MYH11: variants seen among roughly 807,000 people sequenced by gnomAD.
MYH11 encodes the protein myosin heavy chain 11, also known as myosin-11.
In MYH11, 80 loss-of-function variants were observed where a neutral mutation model predicts 246.6. That is an observed-to-expected ratio of 0.32 (90% confidence interval 0.27 to 0.39). The LOEUF is 0.39. MYH11 is among the 10% of genes least tolerant of loss of function. MYH11 has a pLI of 1.00. For missense variants in MYH11, 2,158 were observed against 2,546.8 expected (o/e 0.85, Z 3.29); for synonymous variants, 1,071 against 1,015.5 (o/e 1.05, Z -1.04).
At position 15,715,267 on chromosome 16, in the gene MYH11, TTC is replaced by T; in HGVS notation, c.5508_5509del (p.Lys1837ThrfsTer72). Reference sequence around the variant, plus strand: ...CTTCAGCGACTTGGTGGCCGCCTGTTTCTCTCTGCAAACAGCAAGGAAAACAG... The same window carrying T: ...CTTCAGCGACTTGGTGGCCGCCTGTTTCTCTGCAAACAGCAAGGAAAACAG... On this transcript the variant is annotated frameshift_variant, in exon 39 of 41. Transcript: ENST00000300036. LOFTEE classifies it high-confidence loss of function. 6.2e-7 allele frequency: 1 copy of T among 1,614,138 alleles called. No individual in the cohort carries two copies. Among genetic ancestry groups the T allele is most frequent in the Non-Finnish European group, 8.5e-7 (1 of 1,180,040 alleles).
intron 6 of MYH11, chr16:15,779,088 T>C (rs1019720467): frequency 1.6e-6 from 1 of 618,340 alleles, no homozygotes; most frequent in African/African-American, 1.8e-5. Context: ...CATTCGGCTT[T>C]TGCAATGACC....
At chr16:15,766,620 CCT>C (rs1432415198) in intron 9 of MYH11, among the ~76,000 whole-genome samples, 29 of 152,146 alleles carry the variant, frequency 1.9e-4, no homozygotes, top group African/African-American at 6.5e-4. Flanking sequence ...GATCCATGTG[CCT>C]TGGCCTCCCA....
chr16:15,826,812 T>C (rs962372751), intron 2 of MYH11, among the ~76,000 whole-genome samples: 10 of 151,488 alleles, frequency 6.6e-5, no homozygotes, highest in Admixed American at 1.3e-4. Flanking sequence ...GGCAACACAG[T>C]GAGACCCTGT....
In MYH11 at chr16:15,760,669, A is replaced by G. The variant is rs2041847943; in HGVS notation, c.1130-11T>C. 3.9e-6 allele frequency: 6 copies of G among 1,548,694 alleles called. No homozygotes were observed. In the South Asian group the frequency reaches 6.7e-5, roughly 17 times the overall value. On this transcript the variant is annotated splice_polypyrimidine_tract_variant and intron_variant, in intron 10 of 40. Coordinates refer to ENST00000300036, the MANE Select transcript of MYH11 (RefSeq NM_002474.3). The stretch of plus-strand genomic sequence containing the variant: ...AAACTTTCTGAGCAGCTGGATGGAG[A>G]AAAGAAACATCGTGAGTGCATCACA...
chr16:15,817,608 T>C (rs1388274535), intron 3 of MYH11, among the ~76,000 whole-genome samples: 3 of 152,188 alleles, frequency 2.0e-5, no homozygotes, highest in South Asian at 2.1e-4. Context: ...TCTCTTCCCA[T>C]ACCCTCAAGG....
chr16:15,729,240 C>G (rs1249806914), intron 27 of MYH11, among the ~76,000 whole-genome samples: 2 of 152,032 alleles, frequency 1.3e-5, no homozygotes, highest in African/African-American at 4.8e-5. Flanking sequence ...GCCTGGGGAG[C>G]CCAGGTAGGA....
Position 15,720,204 on chromosome 16 carries a change from C to T in MYH11, c.4900G>A (p.Asp1634Asn), listed in dbSNP as rs549820613. 52 of 1,614,118 alleles carry T rather than the reference C, an allele frequency of 3.2e-5. No homozygotes were observed. The highest frequency in any genetic ancestry group is 1.6e-4 in the East Asian group (7 of 44,874). Residue 1634 changes from aspartate (D) to asparagine (N), a missense_variant, in exon 34 of 41, where the codon GAC becomes AAC. Around this residue, in one of 11 missense-constraint regions of MYH11, gnomAD observed 1,013 missense variants for 993.5 expected, o/e 1.02. Transcript: ENST00000300036. ...TCCTCCCTCCCCTTGATGGCAGAGT[C>T]GGCCTGAAGCTCCAGGTCTTTCAGG... is the stretch of plus-strand genomic sequence containing the variant. ...GDLKDLELQA[D>N]SAIKGREEAI...
chr16:15,785,516 C>T (rs6498573), intron 5 of MYH11: 22,863 of 151,550 alleles, frequency 0.15, 1,969 homozygotes, highest in South Asian at 0.31. Flanking sequence ...TCCAAAGCCA[C>T]GACCAGCGCC....
At chr16:15,826,596 AAAAG>A (rs2043572686) in intron 2 of MYH11, among the ~76,000 whole-genome samples, 1 of 145,522 alleles carries the variant, frequency 6.9e-6, no homozygotes, top group South Asian at 2.2e-4. Flanking sequence ...TCAAAAAAGA[AAAAG>A]AAAGAAAAAG....
chr16:15,805,068 C>A (rs924234015), intron 3 of MYH11, among the ~76,000 whole-genome samples: 6 of 152,176 alleles, frequency 3.9e-5, no homozygotes, highest in Non-Finnish European at 7.3e-5. Flanking sequence ...TTCTATGATA[C>A]CTTCTCTAAC....
intron 8 of MYH11, among the ~76,000 whole-genome samples, chr16:15,774,558 A>G (rs1209906595): frequency 6.6e-6 from 1 of 152,172 alleles, no homozygotes; most frequent in Non-Finnish European, 1.5e-5. Context: ...TCCACCTCAT[A>G]GCCTATGTTC....
intron 1 of MYH11, 118 bp from the exon 2 acceptor site, chr16:15,838,387 A>G: frequency 1.3e-6 from 1 of 783,624 alleles, no homozygotes; most frequent in Admixed American, 2.0e-5. Flanking sequence ...CCAAGTACAA[A>G]GACCTGCAGT....
intron 3 of MYH11, among the ~76,000 whole-genome samples, chr16:15,815,795 G>C (rs2043248783): frequency 6.6e-6 from 1 of 152,050 alleles, no homozygotes; most frequent in Non-Finnish European, 1.5e-5. Context: ...AACTGGTCAT[G>C]TACAAAGGAT....
chr16:15,807,421 T>G (rs1028102013), intron 3 of MYH11, among the ~76,000 whole-genome samples: 2 of 151,840 alleles, frequency 1.3e-5, no homozygotes, highest in Admixed American at 6.6e-5. Flanking sequence ...AGACGTCAGG[T>G]TTTTTGTTTG....
chr16:15,770,538 A>G (rs919354354), intron 9 of MYH11, among the ~76,000 whole-genome samples: 1 of 152,082 alleles, frequency 6.6e-6, no homozygotes, highest in African/African-American at 2.4e-5. Context: ...GATGATTTTG[A>G]TCAATATCAA....
intron 11 of MYH11, among the ~76,000 whole-genome samples, 191 bp downstream of exon 11, chr16:15,760,349 A>AATGG (rs61612274): frequency 1.1e-4 from 17 of 151,550 alleles, no homozygotes; most frequent in South Asian, 2.1e-4. Context: ...TGGGCAGATG[A>AATGG]ATGGATGGAT....
intron 4 of MYH11, among the ~76,000 whole-genome samples, chr16:15,794,195 C>A (rs915052004): frequency 2.0e-5 from 3 of 152,068 alleles, no homozygotes; most frequent in African/African-American, 7.2e-5. Flanking sequence ...ATCCGCCCGC[C>A]TCGGCCTCCC....
chr16:15,774,211 C>T (rs1321252840), intron 8 of MYH11, among the ~76,000 whole-genome samples: 1 of 152,208 alleles, frequency 6.6e-6, no homozygotes, highest in Non-Finnish European at 1.5e-5. Context: ...TTTGCCAAGA[C>T]TTCATTATCC....
At chr16:15,833,676 C>T (rs961875620) in intron 2 of MYH11, among the ~76,000 whole-genome samples, 4 of 152,200 alleles carry the variant, frequency 2.6e-5, no homozygotes, top group African/African-American at 7.2e-5. Flanking sequence ...CTCAAGGGCA[C>T]ATCGTTTGAG....
Sources: gnomAD v4.1 joint callset for allele counts (sites outside exome capture counted in the v4.1 genomes callset) on GRCh38, gnomAD v4.1.1 for gene constraint, gnomAD v4.1.1 regional missense constraint, MANE v1.5 for transcripts, NCBI Gene and HGNC (gene_info 2026-07-23, HGNC 2026-07-21) for gene names.